Variants in ST18 observed in about 807,000 individuals in gnomAD.
ST18 encodes ST18 C2H2C-type zinc finger transcription factor.
A neutral mutation model predicts 110.0 loss-of-function variants in ST18; 50 were observed. That is an observed-to-expected ratio of 0.45 (90% confidence interval 0.36 to 0.58). The LOEUF (loss-of-function observed/expected upper bound fraction) is 0.58, where lower values mean the gene tolerates loss of function less well. Among genes scored for constraint, ST18 ranks in the 20% least tolerant of loss-of-function variants. The pLI is 0.00. For missense variants in ST18, 1,306 were observed against 1,280.1 expected (o/e 1.02, Z -0.31); for synonymous variants, 461 against 452.4 (o/e 1.02, Z -0.24).
chr8:52,212,182 T>C lies in ST18; in HGVS notation c.56-73A>G. The C allele has an allele frequency of 2.8e-6, 4 of 1,448,642 alleles. No homozygotes were observed. In the East Asian group the frequency reaches 9.1e-5, roughly 33 times the overall value. 89.7% of individuals were successfully genotyped at this position (1,448,642 alleles called of 1,614,324 possible). On this transcript the variant is annotated intron_variant, in intron 7 of 25. Transcript: ENST00000689386. ...TTCAAAACTGTATAATGGAAACTTT[T>C]CCCCCACCTAGAGGTAACGACCAAT...
At chr8:52,190,246 G>A (rs1463506666) in intron 8 of ST18, among the ~76,000 whole-genome samples, 1 of 152,052 alleles carries the variant, frequency 6.6e-6, no homozygotes, top group Non-Finnish European at 1.5e-5. Context: ...GTAGACTTGG[G>A]TCCCATTCCC....
intron 2 of ST18, among the ~76,000 whole-genome samples, chr8:52,355,037 G>A (rs998027329): frequency 1.1e-4 from 17 of 152,154 alleles, no homozygotes; most frequent in African/African-American, 3.9e-4. Context: ...AGCTCTAGAG[G>A]GAACTCAGCA....
At chr8:52,287,619 G>T (rs189778767) in intron 2 of ST18, among the ~76,000 whole-genome samples, 1 of 152,290 alleles carries the variant, frequency 6.6e-6, no homozygotes, top group Non-Finnish European at 1.5e-5. Flanking sequence ...GAGCTGCCCG[G>T]CCTCAAGGCT....
At chr8:52,271,475 C>A (rs773262686) in intron 2 of ST18, among the ~76,000 whole-genome samples, 2 of 152,116 alleles carry the variant, frequency 1.3e-5, no homozygotes, top group Non-Finnish European at 2.9e-5. Context: ...CTTTGTATCT[C>A]TTCCCCAATT....
chr8:52,340,438 G>T (rs1177303848), intron 2 of ST18, among the ~76,000 whole-genome samples: 1 of 152,200 alleles, frequency 6.6e-6, no homozygotes, highest in African/African-American at 2.4e-5. Context: ...TGGATCCAGT[G>T]CAGGAAACTC....
At chr8:52,213,539 G>C (rs1460150758) in intron 7 of ST18, among the ~76,000 whole-genome samples, 1 of 151,946 alleles carries the variant, frequency 6.6e-6, no homozygotes, top group African/African-American at 2.4e-5. Context: ...TAGAATTAAG[G>C]GTCACAAAAA....
intron 19 of ST18, among the ~76,000 whole-genome samples, chr8:52,134,058 T>A (rs1430064868): frequency 6.6e-6 from 1 of 152,174 alleles, no homozygotes. Context: ...AATAATTTAT[T>A]TTCTCTGATA....
At chr8:52,326,451 G>T (rs1342322515) in intron 2 of ST18, among the ~76,000 whole-genome samples, 18 of 152,164 alleles carry the variant, frequency 1.2e-4, no homozygotes, top group Non-Finnish European at 2.6e-4. Flanking sequence ...GAGAACCACA[G>T]GACTCAGATT....
chr8:52,188,798 A>T (rs1022057413), intron 8 of ST18, among the ~76,000 whole-genome samples: 2 of 152,180 alleles, frequency 1.3e-5, no homozygotes, highest in Non-Finnish European at 2.9e-5. Flanking sequence ...TGGAATTATG[A>T]GAGATTAGAT....
In ST18 at chr8:52,267,252, G is replaced by C. The variant is rs2094902422; in HGVS notation, c.-464-37175C>G. Reference sequence around the variant, plus strand: ...GGCCATACTTTAGGGAGCCAAGCATGGTGCCAAGAGTGGTATTAGGAGGGT... The same window carrying C: ...GGCCATACTTTAGGGAGCCAAGCATCGTGCCAAGAGTGGTATTAGGAGGGT... On this transcript the variant is annotated intron_variant, in intron 2 of 25. Coordinates refer to ENST00000689386, the MANE Select transcript of ST18 (RefSeq NM_001352837.2). 5.3e-5 allele frequency among the ~76,000 whole-genome samples: 8 copies of C among 152,084 alleles called. 1 individual carries two copies. The highest frequency in any genetic ancestry group is 6.8e-3 in the Middle Eastern group (2 of 294).
At chr8:52,255,915 A>C (rs765894683) in intron 2 of ST18, among the ~76,000 whole-genome samples, 1 of 152,198 alleles carries the variant, frequency 6.6e-6, no homozygotes, top group Non-Finnish European at 1.5e-5. Context: ...CCCTTGGCCC[A>C]TTGCTCCCTC....
At chr8:52,333,085 T>A (rs1438026693) in intron 2 of ST18, among the ~76,000 whole-genome samples, 1 of 152,090 alleles carries the variant, frequency 6.6e-6, no homozygotes, top group Non-Finnish European at 1.5e-5. Flanking sequence ...TTCTCATCCA[T>A]CAAGCTGATG....
At chr8:52,368,383 A>T (rs1380786389) in intron 2 of ST18, among the ~76,000 whole-genome samples, 2 of 152,256 alleles carry the variant, frequency 1.3e-5, no homozygotes, top group African/African-American at 4.8e-5. Context: ...CAACCCAAAA[A>T]TGTTCACCAG....
At position 52,118,460 on chromosome 8, in the gene ST18, C is replaced by T. The variant is rs2043366622; in HGVS notation, c.2756-19G>A. ...TCTATTCCTGTAAAGAGTAAGACTA[C>T]CTTAGTTCAAACTGAAAACTGTTAA... On this transcript the variant is annotated intron_variant, in intron 23 of 25. Transcript: ENST00000689386. The T allele has an allele frequency of 6.8e-7, 1 of 1,462,260 alleles. No individual in the cohort carries two copies. The highest frequency in any genetic ancestry group is 9.4e-7 in the Non-Finnish European group (1 of 1,069,414). The allele number at this position is 1,462,260 out of a possible 1,614,324, so 90.6% of individuals were successfully genotyped here.
At chr8:52,271,475 C>T (rs773262686) in intron 2 of ST18, among the ~76,000 whole-genome samples, 5 of 152,116 alleles carry the variant, frequency 3.3e-5, no homozygotes, top group Non-Finnish European at 7.4e-5. Context: ...CTTTGTATCT[C>T]TTCCCCAATT....
Position 52,354,127 on chromosome 8 carries a change from T to C in ST18, c.-465+55201A>G, listed in dbSNP as rs573517704. On this transcript the variant is annotated intron_variant, in intron 2 of 25. Transcript: ENST00000689386. ...GTTGTCCCCAGCCAGGACCGAGTTA[T>C]GTGCTCACCACTTGACCTCTGGAAG... Among the ~76,000 whole-genome samples, 11 of 152,368 alleles carry C rather than the reference T, an allele frequency of 7.2e-5. No homozygotes were observed. The South Asian group carries it at 2.3e-3, about 32-fold the overall frequency.
intron 8 of ST18, among the ~76,000 whole-genome samples, chr8:52,201,667 C>G (rs1037733868): frequency 6.6e-6 from 1 of 152,146 alleles, no homozygotes; most frequent in Non-Finnish European, 1.5e-5. Flanking sequence ...CAATCTACAC[C>G]ATCCGTGCCT....
rs994763175 is a variant in ST18, at chr8:52,409,653, A to G, written c.-695T>C. ...GGTTTCCGAGATGTAAAACACCCAC[A>G]GTTACCTCAATTATTTTTCTCTCCT... On this transcript the variant is annotated 5_prime_UTR_variant, in exon 1 of 26. Coordinates refer to ENST00000689386, the MANE Select transcript of ST18 (RefSeq NM_001352837.2). 1.3e-4 allele frequency: 20 copies of G among 152,168 alleles called. No individual in the cohort carries two copies. Among genetic ancestry groups the G allele is most frequent in the African/African-American group, 4.3e-4 (18 of 41,456 alleles). The allele number at this position is 152,168 out of a possible 1,614,324, so 9.4% of individuals were successfully genotyped here.
intron 17 of ST18, 135 bp from the exon 18 acceptor site, chr8:52,137,618 G>A (rs1295360240): frequency 1.2e-5 from 9 of 755,798 alleles, no homozygotes; most frequent in Non-Finnish European, 1.9e-5. Context: ...AGAAGCTAGT[G>A]TACCAAGGAT....
Sources: allele counts gnomAD v4.1 joint callset (sites outside exome capture counted in the v4.1 genomes callset), GRCh38; gene constraint gnomAD v4.1.1; transcripts MANE v1.5; gene names NCBI Gene and HGNC (gene_info 2026-07-23, HGNC 2026-07-21).